Variants in GLT6D1 observed in about 807,000 individuals in gnomAD.
GLT6D1 encodes putative glycosyltransferase 6 domain-containing protein 1.
GLT6D1 carries 9 observed loss-of-function variants against 12.3 expected under a neutral mutation model. That is an observed-to-expected ratio of 0.73 (90% confidence interval 0.44 to 1.27). The LOEUF is 1.27. Among genes scored for constraint, GLT6D1 ranks in the 50% most tolerant of loss-of-function variants. The pLI is 0.00. For synonymous variants in GLT6D1, 128 were observed against 132.3 expected (o/e 0.97, Z 0.23); for missense variants, 335 against 346.2 (o/e 0.97, Z 0.26).
In GLT6D1 at chr9:135,624,360, A is replaced by T. The variant is rs752290404; in HGVS notation, c.568T>A (p.Leu190Met). The change falls in exon 5 of 5, where the codon TTG (leucine) becomes ATG (methionine). Residue 190 changes from leucine (L) to methionine (M), a missense_variant. Coordinates refer to ENST00000371763, the MANE Select transcript of GLT6D1 (RefSeq NM_182974.3). Reference sequence around the variant, plus strand: ...CACCAGGCGTGGAGCTGGGCCACCAACGGGCCCAGGGTCTCCACCCCGAAC... The same window carrying T: ...CACCAGGCGTGGAGCTGGGCCACCATCGGGCCCAGGGTCTCCACCCCGAAC... ...NEFGVETLGP[L>M]VAQLHAWWYF... 9 of 1,613,796 alleles carry T rather than the reference A, an allele frequency of 5.6e-6. No individual in the cohort carries two copies. The highest frequency in any genetic ancestry group is 7.6e-6 in the Non-Finnish European group (9 of 1,179,906).
At chr9:135,629,200 T>A in intron 3 of GLT6D1, among the ~76,000 whole-genome samples, 1 of 152,192 alleles carries the variant, frequency 6.6e-6, no homozygotes, top group East Asian at 1.9e-4. Context: ...TACAAAAAAA[T>A]TCAAAAATTA....
chr9:135,623,706 T>C lies in GLT6D1; in HGVS notation c.*391A>G, dbSNP rs1417096861. ...GAACTACTTTTCCATTTTATGAATG[T>C]TTTTTCTCAACTAGAGTCTTTCTCC... On this transcript the variant is annotated 3_prime_UTR_variant, in exon 5 of 5. Coordinates refer to ENST00000371763, the MANE Select transcript of GLT6D1 (RefSeq NM_182974.3). 3 of 153,782 alleles carry C rather than the reference T, an allele frequency of 2.0e-5. No homozygotes were observed. Among genetic ancestry groups the C allele is most frequent in the Admixed American group, 1.9e-4 (3 of 15,560 alleles). The allele number at this position is 153,782 out of a possible 1,614,324, so 9.5% of individuals were successfully genotyped here. A position where few individuals can be genotyped will look rare whatever the true frequency, so the allele number is the denominator to read the frequency against.
intron 3 of GLT6D1, among the ~76,000 whole-genome samples, chr9:135,627,896 C>T (rs538660437): frequency 1.3e-5 from 2 of 152,204 alleles, no homozygotes; most frequent in East Asian, 3.9e-4. Context: ...GAGTGAAGTG[C>T]TATCTCATTG....
At chr9:135,639,698 C>T (rs886907848), upstream of GLT6D1, among the ~76,000 whole-genome samples, 1 of 152,158 alleles carries the variant, frequency 6.6e-6, no homozygotes, top group African/African-American at 2.4e-5. Context: ...AGGCATTAGA[C>T]TTTACAATGG....
At chr9:135,628,050 A>T (rs898758246) in intron 3 of GLT6D1, among the ~76,000 whole-genome samples, 2 of 152,168 alleles carry the variant, frequency 1.3e-5, no homozygotes, top group Non-Finnish European at 2.9e-5. Context: ...TTTGTTGTTT[A>T]ATGATAAGAA....
intron 4 of GLT6D1, among the ~76,000 whole-genome samples, chr9:135,625,481 C>T (rs1222832519): frequency 2.0e-5 from 3 of 152,188 alleles, no homozygotes; most frequent in South Asian, 2.1e-4. Context: ...GCCTGCTTGT[C>T]GGCCTCCTGC....
intron 3 of GLT6D1, among the ~76,000 whole-genome samples, chr9:135,628,787 C>T (rs1166707625): frequency 1.3e-5 from 2 of 151,946 alleles, no homozygotes; most frequent in African/African-American, 4.8e-5. Flanking sequence ...TTTTCCCTTT[C>T]TTCTTTAGTC....
upstream of GLT6D1, among the ~76,000 whole-genome samples, chr9:135,639,691 C>T (rs933703807): frequency 2.0e-5 from 3 of 152,170 alleles, no homozygotes; most frequent in Non-Finnish European, 4.4e-5. Context: ...ACATTAAAGG[C>T]ATTAGACTTT....
At chr9:135,634,262 G>A (rs1408082728) in intron 2 of GLT6D1, among the ~76,000 whole-genome samples, 1 of 151,984 alleles carries the variant, frequency 6.6e-6, no homozygotes, top group African/African-American at 2.4e-5. Flanking sequence ...CCAAGTAGCT[G>A]AGATTACAGG....
chr9:135,629,362 C>A (rs1197741768), intron 3 of GLT6D1, among the ~76,000 whole-genome samples: 1 of 151,920 alleles, frequency 6.6e-6, no homozygotes, highest in African/African-American at 2.4e-5. Context: ...CCTTGTGATT[C>A]TTTTTTGATT....
intron 2 of GLT6D1, among the ~76,000 whole-genome samples, chr9:135,633,115 C>T (rs578009256): frequency 6.6e-6 from 1 of 152,320 alleles, no homozygotes; most frequent in Non-Finnish European, 1.5e-5. Flanking sequence ...TTAGAGCTGT[C>T]TTTGGTTTGC....
chr9:135,634,871 A>T (rs1833736412), intron 2 of GLT6D1, among the ~76,000 whole-genome samples: 1 of 151,894 alleles, frequency 6.6e-6, no homozygotes, highest in Non-Finnish European at 1.5e-5. Context: ...ATTGATGCTG[A>T]CCTTGTTCAC....
At chr9:135,640,535 A>G (rs2119160019), upstream of GLT6D1, among the ~76,000 whole-genome samples, 1 of 152,126 alleles carries the variant, frequency 6.6e-6, no homozygotes, top group African/African-American at 2.4e-5. Flanking sequence ...CAGGACCAAC[A>G]TGGTGAGACC....
rs534377547 is a variant in GLT6D1 at position 135,624,769 on chromosome 9, G to A, written c.258-99C>T. The A allele has an allele frequency of 1.6e-5, 12 of 757,766 alleles. No individual in the cohort carries two copies. In the African/African-American group the frequency reaches 2.4e-4, roughly 15 times the overall value. 46.9% of individuals were successfully genotyped at this position (757,766 alleles called of 1,614,324 possible). A position where few individuals can be genotyped will look rare whatever the true frequency, so the allele number is the denominator to read the frequency against. ...TTTTGAGATGGAGTCTCCCTCTGAT[G>A]CCCAGGCTGGAGTGCAGTGGCGTGA... On this transcript the variant is annotated intron_variant, in intron 4 of 4. Coordinates refer to ENST00000371763, the MANE Select transcript of GLT6D1 (RefSeq NM_182974.3).
intron 3 of GLT6D1, among the ~76,000 whole-genome samples, chr9:135,627,931 A>C (rs935288875): frequency 2.0e-5 from 3 of 152,158 alleles, no homozygotes; most frequent in Admixed American, 2.0e-4. Context: ...ATTTCCCTGA[A>C]GACTAATAAA....
intron 4 of GLT6D1, among the ~76,000 whole-genome samples, chr9:135,625,660 G>A (rs774704391): frequency 3.2e-4 from 48 of 152,192 alleles, no homozygotes; most frequent in Non-Finnish European, 8.8e-5. Context: ...ATTGTGGGCT[G>A]CAACAAAATG....
chr9:135,638,294 A>T (rs1011896015), intron 2 of GLT6D1, among the ~76,000 whole-genome samples: 1 of 152,212 alleles, frequency 6.6e-6, no homozygotes, highest in African/African-American at 2.4e-5. Flanking sequence ...AACACGTGGG[A>T]ATTCTGGGAG....
upstream of GLT6D1, among the ~76,000 whole-genome samples, chr9:135,640,843 G>T (rs959938178): frequency 6.6e-5 from 10 of 152,080 alleles, no homozygotes; most frequent in Non-Finnish European, 1.5e-4. Context: ...TTGTACCTCT[G>T]CAATTGGAAA....
In GLT6D1 at chr9:135,624,345, G is replaced by C; in HGVS notation, c.583C>G (p.His195Asp). The change falls in exon 5 of 5, where the codon CAC (histidine) becomes GAC (aspartate). Residue 195 changes from histidine to aspartate, a missense_variant. Transcript: ENST00000371763. The part of the protein sequence containing the change: ...ETLGPLVAQL[H>D]AWWYFRNTKN... Reference sequence around the variant, plus strand: ...GTGTTTCTGAAATACCACCAGGCGTGGAGCTGGGCCACCAACGGGCCCAGG... The same window carrying C: ...GTGTTTCTGAAATACCACCAGGCGTCGAGCTGGGCCACCAACGGGCCCAGG... The C allele has an allele frequency of 1.2e-6, 2 of 1,613,436 alleles. No homozygotes were observed. Among genetic ancestry groups the C allele is most frequent in the Non-Finnish European group, 1.7e-6 (2 of 1,179,602 alleles).
Sources: allele counts gnomAD v4.1 joint callset (sites outside exome capture counted in the v4.1 genomes callset), GRCh38; gene constraint gnomAD v4.1.1; transcripts MANE v1.5; gene names NCBI Gene and HGNC (gene_info 2026-07-23, HGNC 2026-07-21).